GRM8: variants seen among roughly 807,000 people sequenced by gnomAD.
GRM8 encodes glutamate metabotropic receptor 8.
In GRM8, 47 loss-of-function variants were observed where a neutral mutation model predicts 87.2. The observed-to-expected ratio is 0.54, with a 90% CI of 0.43 to 0.69. The LOEUF is 0.69. Among genes scored for constraint, GRM8 ranks in the 30% least tolerant of loss-of-function variants. The pLI, the probability that GRM8 is intolerant of heterozygous loss-of-function variation, is 0.00. For synonymous variants in GRM8, 396 were observed against 404.5 expected (o/e 0.98, Z 0.25); for missense variants, 1,019 against 1,139.2 (o/e 0.89, Z 1.52).
intron 6 of GRM8, among the ~76,000 whole-genome samples, chr7:126,779,941 A>G (rs992926451): frequency 6.6e-6 from 1 of 152,154 alleles, no homozygotes; most frequent in African/African-American, 2.4e-5. Context: ...GGAATTTATG[A>G]CCTATGTTGC....
intron 7 of GRM8, among the ~76,000 whole-genome samples, chr7:126,740,968 A>G (rs1814901583): frequency 6.6e-6 from 1 of 152,166 alleles, no homozygotes. Flanking sequence ...TATGAAAATG[A>G]GAAGTTGAAA....
chr7:126,994,094 G>A (rs28945970), intron 3 of GRM8, among the ~76,000 whole-genome samples: 1 of 152,296 alleles, frequency 6.6e-6, no homozygotes, highest in East Asian at 1.9e-4. Flanking sequence ...TTCTACTTGA[G>A]GAGAGGAGAC....
chr7:126,941,308 T>G (rs1806897255), intron 3 of GRM8, among the ~76,000 whole-genome samples: 1 of 152,012 alleles, frequency 6.6e-6, no homozygotes. Flanking sequence ...TAAAATATAC[T>G]TATTTGAAAG....
At chr7:126,697,103 C>T (rs1333782936) in intron 7 of GRM8, among the ~76,000 whole-genome samples, 1 of 148,878 alleles carries the variant, frequency 6.7e-6, no homozygotes, top group African/African-American at 2.5e-5. Flanking sequence ...AGACATTATG[C>T]TAAGTGAAAT....
At chr7:126,976,998 C>A (rs1563373036) in intron 3 of GRM8, among the ~76,000 whole-genome samples, 2 of 151,504 alleles carry the variant, frequency 1.3e-5, no homozygotes, top group Non-Finnish European at 2.9e-5. Flanking sequence ...TGAAATTTTT[C>A]AATTCTGTCC....
intron 2 of GRM8, among the ~76,000 whole-genome samples, chr7:127,170,461 A>C (rs1477805476): frequency 6.6e-6 from 1 of 152,252 alleles, no homozygotes; most frequent in African/African-American, 2.4e-5. Context: ...ATGTAGAGCT[A>C]CCATTTGATC....
chr7:127,030,832 G>T (rs1013331663), intron 3 of GRM8, among the ~76,000 whole-genome samples: 1 of 152,014 alleles, frequency 6.6e-6, no homozygotes, highest in Non-Finnish European at 1.5e-5. Flanking sequence ...CCTTTTAAAT[G>T]TTCTTGGATA....
intron 8 of GRM8, among the ~76,000 whole-genome samples, chr7:126,550,011 T>C (rs1024495481): frequency 2.5e-4 from 38 of 149,472 alleles, no homozygotes; most frequent in African/African-American, 9.3e-4. Flanking sequence ...ATAACTTGCA[T>C]GTTGTTTTAT....
intron 2 of GRM8, among the ~76,000 whole-genome samples, chr7:127,179,950 C>T (rs1188591142): frequency 6.6e-6 from 1 of 151,928 alleles, no homozygotes; most frequent in African/African-American, 2.4e-5. Context: ...GCAAGAGAAA[C>T]AAGCGCAAAC....
chr7:127,174,056 T>C (rs946618955), intron 2 of GRM8, among the ~76,000 whole-genome samples: 1 of 152,084 alleles, frequency 6.6e-6, no homozygotes, highest in Non-Finnish European at 1.5e-5. Flanking sequence ...ACCAGAAACA[T>C]TCACAGCAAC....
intron 6 of GRM8, among the ~76,000 whole-genome samples, chr7:126,860,892 C>A (rs1798084054): frequency 6.6e-6 from 1 of 152,122 alleles, no homozygotes; most frequent in East Asian, 1.9e-4. Flanking sequence ...ACTCTCTTGA[C>A]CTGTGAATAT....
chr7:126,650,875 C>T (rs1025834427), intron 7 of GRM8, among the ~76,000 whole-genome samples: 9 of 152,150 alleles, frequency 5.9e-5, no homozygotes, highest in Non-Finnish European at 1.0e-4. Context: ...ATGGAGGTTA[C>T]GCATGGGCTC....
chr7:126,783,900 A>C (rs1820356871), intron 6 of GRM8, among the ~76,000 whole-genome samples: 1 of 152,208 alleles, frequency 6.6e-6, no homozygotes, highest in Non-Finnish European at 1.5e-5. Flanking sequence ...CTTCCTATAC[A>C]ATCAATAAAA....
intron 6 of GRM8, among the ~76,000 whole-genome samples, chr7:126,892,197 G>T (rs1801104261): frequency 6.6e-6 from 1 of 151,410 alleles, no homozygotes; most frequent in African/African-American, 2.4e-5. Flanking sequence ...CAATGTGCAG[G>T]TTATTTACAT....
chr7:126,722,060 T>C (rs73449095), intron 7 of GRM8, among the ~76,000 whole-genome samples: 2,908 of 152,254 alleles, frequency 0.019, 85 homozygotes, highest in African/African-American at 0.065. Flanking sequence ...CTGGGTATCA[T>C]GAATAACTAG....
At chr7:126,543,901 T>G (rs957648191) in intron 8 of GRM8, among the ~76,000 whole-genome samples, 2 of 152,170 alleles carry the variant, frequency 1.3e-5, no homozygotes, top group Admixed American at 1.3e-4. Context: ...GCCAATCAAA[T>G]AGTTAATTTC....
At chr7:126,535,753 G>A (rs947669754) in intron 8 of GRM8, among the ~76,000 whole-genome samples, 1 of 152,132 alleles carries the variant, frequency 6.6e-6, no homozygotes, top group African/African-American at 2.4e-5. Context: ...CAGTGTCCAA[G>A]TCCCACCTCC....
chr7:126,928,575 C>T (rs749032699), intron 3 of GRM8, among the ~76,000 whole-genome samples: 4 of 150,392 alleles, frequency 2.7e-5, no homozygotes, highest in Non-Finnish European at 4.4e-5. Flanking sequence ...GGGGGGCTGA[C>T]GTGGGAGGAT....
intron 8 of GRM8, among the ~76,000 whole-genome samples, chr7:126,543,730 C>G (rs955463482): frequency 3.3e-5 from 5 of 152,068 alleles, no homozygotes; most frequent in Non-Finnish European, 7.4e-5. Context: ...TATGAGAGAG[C>G]TCTCTCCCAC....
Sources: gnomAD v4.1 joint callset for allele counts (sites outside exome capture counted in the v4.1 genomes callset) on GRCh38, gnomAD v4.1.1 for gene constraint, MANE v1.5 for transcripts, NCBI Gene and HGNC (gene_info 2026-07-23, HGNC 2026-07-21) for gene names.